BRI3BP: variants seen among roughly 807,000 people sequenced by gnomAD.
BRI3BP encodes the protein BRI3 binding protein.
Under a neutral mutation model 15.8 loss-of-function variants are expected in BRI3BP, and 7 were observed. That is an observed-to-expected ratio of 0.44 (90% CI 0.25 to 0.83). The LOEUF (loss-of-function observed/expected upper bound fraction) is 0.83. Ranked by LOEUF, BRI3BP falls within the 40% of genes least tolerant of loss-of-function variation. The pLI is 0.20. For synonymous variants in BRI3BP, 192 were observed against 163.5 expected, an observed-to-expected ratio of 1.17 and a Z score of -1.33; for missense variants, 320 against 339.3, an observed-to-expected ratio of 0.94 and a Z score of 0.45.
In BRI3BP at chr12:125,027,878, G is replaced by A. The variant is rs1021985928; in HGVS notation, c.*2448G>A. On this transcript the variant is annotated 3_prime_UTR_variant, in exon 3 of 3. Transcript: ENST00000341446. ...AATTTTTTATATTTTTAGTAGAGAC[G>A]GGGTTTCACCGTGTTAGCCAGGATG... 6.6e-6 allele frequency: 1 copy of A among 151,860 alleles called. No individual in the cohort carries two copies. Among genetic ancestry groups the A allele is most frequent in the African/African-American group, 2.4e-5 (1 of 41,366 alleles). 9.4% of individuals were successfully genotyped at this position (151,860 alleles called of 1,614,324 possible).
chr12:125,025,122 C>G lies in BRI3BP; in HGVS notation c.448C>G (p.Leu150Val), dbSNP rs1955339182. 2 of 1,614,122 alleles carry G rather than the reference C, an allele frequency of 1.2e-6. No individual in the cohort carries two copies. The highest frequency in any genetic ancestry group is 2.2e-5 in the South Asian group (2 of 91,092). Residue 150 changes from leucine to valine, a missense_variant, in exon 3 of 3, where the codon CTG becomes GTG. Transcript: ENST00000341446. ...SLTLGFTFSV[L>V]HVVFGRFFWI... is the part of the protein sequence containing the mutation. ...GACCCTGGGCTTCACTTTCAGCGTC[C>G]TGCACGTGGTGTTCGGCCGCTTCTT...
chr12:125,012,506 G>T, intron 1 of BRI3BP, 28 bp from the exon 2 acceptor site: 1 of 1,520,310 alleles, frequency 6.6e-7, no homozygotes, highest in South Asian at 1.1e-5. Context: ...ACAGTGATTG[G>T]GTGATGACCG....
chr12:125,021,818 A>G (rs1260605222), intron 2 of BRI3BP, among the ~76,000 whole-genome samples: 3 of 152,106 alleles, frequency 2.0e-5, no homozygotes, highest in Admixed American at 6.5e-5. Flanking sequence ...CCACGATCCA[A>G]TCACCTCCTA....
At chr12:124,995,364 G>A (rs1169258064) in intron 1 of BRI3BP, among the ~76,000 whole-genome samples, 1 of 152,222 alleles carries the variant, frequency 6.6e-6, no homozygotes, top group African/African-American at 2.4e-5. Context: ...TCCTCTTGAT[G>A]CCGTTTCGGA....
chr12:125,004,509 A>G (rs1955125941), intron 1 of BRI3BP, among the ~76,000 whole-genome samples: 1 of 152,188 alleles, frequency 6.6e-6, no homozygotes, highest in Non-Finnish European at 1.5e-5. Context: ...TATTCTTTTT[A>G]TAAGTAGAGT....
At chr12:125,021,679 C>T (rs1344714140) in intron 2 of BRI3BP, among the ~76,000 whole-genome samples, 1 of 152,138 alleles carries the variant, frequency 6.6e-6, no homozygotes, top group East Asian at 1.9e-4. Context: ...AAAGGGGAAG[C>T]AAGGCACGTC....
rs1044978931 is a variant in BRI3BP, at chr12:125,026,916, C to T, written c.*1486C>T. The T allele has an allele frequency of 3.3e-5, 5 of 151,290 alleles. No homozygotes were observed. The highest frequency in any genetic ancestry group is 7.3e-5 in the Non-Finnish European group (5 of 68,044). 9.4% of individuals were successfully genotyped at this position (151,290 alleles called of 1,614,324 possible). A position where few individuals can be genotyped will look rare whatever the true frequency, so the allele number is the denominator to read the frequency against. On this transcript the variant is annotated 3_prime_UTR_variant, in exon 3 of 3. Coordinates refer to ENST00000341446, the MANE Select transcript of BRI3BP (RefSeq NM_080626.6). ...GCGGTGAGCCGAGATCACGCCACTGCACTCCAGCCTAGGCAACAGAGCAAG... is the reference window on the plus strand; with the variant it reads ...GCGGTGAGCCGAGATCACGCCACTGTACTCCAGCCTAGGCAACAGAGCAAG...
rs1229802280 is a variant in BRI3BP at position 124,997,214 on chromosome 12, C to CTTTTTTT, written c.213+3224_213+3230dup. On this transcript the variant is annotated intron_variant, in intron 1 of 2. Coordinates refer to ENST00000341446, the MANE Select transcript of BRI3BP (RefSeq NM_080626.6). ...TCTCTTTTTTTTTTGCTTTACTTCTCTTTTTTTTTTTTTTTTTTTGAGATG... is the reference window on the plus strand; with the variant it reads ...TCTCTTTTTTTTTTGCTTTACTTCTCTTTTTTTTTTTTTTTTTTTTTTTTTTGAGATG... Among the ~76,000 whole-genome samples, 64 of 51,540 alleles carry CTTTTTTT rather than the reference C, an allele frequency of 1.2e-3. 12 individuals are homozygous for CTTTTTTT. The highest frequency in any genetic ancestry group is 3.4e-3 in the African/African-American group (34 of 9,902). The allele number at this position is 51,540 out of a possible 152,430, so 33.8% of individuals were successfully genotyped here. A position where few individuals can be genotyped will look rare whatever the true frequency, so the allele number is the denominator to read the frequency against.
At position 125,030,136 on chromosome 12, in the gene BRI3BP, A is replaced by T. The variant is rs1955395670; in HGVS notation, c.*4706A>T. ...CTTTCTGTGATCACTGCTACTTCTT[A>T]AGATGCTTTTGATGAATGTCATCTG... On this transcript the variant is annotated 3_prime_UTR_variant, in exon 3 of 3. Coordinates refer to ENST00000341446, the MANE Select transcript of BRI3BP (RefSeq NM_080626.6). 1 of 152,228 alleles carries T rather than the reference A, an allele frequency of 6.6e-6. No homozygotes were observed. The highest frequency in any genetic ancestry group is 1.5e-5 in the Non-Finnish European group (1 of 68,038). 9.4% of individuals were successfully genotyped at this position (152,228 alleles called of 1,614,324 possible). A position where few individuals can be genotyped will look rare whatever the true frequency, so the allele number is the denominator to read the frequency against.
intron 1 of BRI3BP, among the ~76,000 whole-genome samples, chr12:125,009,629 G>T (rs796274740): frequency 2.3e-5 from 3 of 132,954 alleles, no homozygotes; most frequent in Non-Finnish European, 3.2e-5. Context: ...TGGGGGGGGG[G>T]TCTCATTTTG....
the BRI3BP span, among the ~76,000 whole-genome samples, chr12:125,036,334 A>T: frequency 3.3e-5 from 5 of 151,456 alleles, no homozygotes; most frequent in African/African-American, 1.2e-4. Context: ...AAATGCTGGG[A>T]TTACAGGCAT....
intron 2 of BRI3BP, among the ~76,000 whole-genome samples, chr12:125,016,854 A>G (rs1955250054): frequency 9.3e-5 from 3 of 32,408 alleles, no homozygotes; most frequent in African/African-American, 1.3e-4. Context: ...TTTTTTTTTG[A>G]GACAGAGTCT....
chr12:125,015,413 C>T (rs930360841), intron 2 of BRI3BP, among the ~76,000 whole-genome samples: 2 of 152,084 alleles, frequency 1.3e-5, no homozygotes, highest in South Asian at 2.1e-4. Context: ...CTGGAAGAGG[C>T]GAGGAAGGAT....
At chr12:124,998,111 T>G (rs1955055560) in intron 1 of BRI3BP, among the ~76,000 whole-genome samples, 6 of 114,136 alleles carry the variant, frequency 5.3e-5, no homozygotes, top group East Asian at 5.3e-4. Flanking sequence ...GGGCAACGAG[T>G]GAAACTCCGT....
At chr12:124,998,196 G>T (rs771987054) in intron 1 of BRI3BP, among the ~76,000 whole-genome samples, 57 of 152,158 alleles carry the variant, frequency 3.7e-4, no homozygotes, top group Non-Finnish European at 1.8e-4. Context: ...GGAGGCTGAG[G>T]CAGGAGAATA....
chr12:124,994,546 G>A (rs36027510), intron 1 of BRI3BP, among the ~76,000 whole-genome samples: 10,586 of 152,156 alleles, frequency 0.07, 589 homozygotes, highest in East Asian at 0.17. Context: ...GTGGCTTTGG[G>A]AAACCGAGCA....
At chr12:125,041,575 T>C in the BRI3BP span, among the ~76,000 whole-genome samples, 1 of 152,078 alleles carries the variant, frequency 6.6e-6, no homozygotes, top group African/African-American at 2.4e-5. Flanking sequence ...TACATTAGGG[T>C]GTTGAATGAA....
At chr12:125,036,662 G>A in the BRI3BP span, among the ~76,000 whole-genome samples, 1 of 152,124 alleles carries the variant, frequency 6.6e-6, no homozygotes. Context: ...AGCTGGTCAC[G>A]GTGCTACAGA....
At chr12:125,010,471 G>C (rs890445178) in intron 1 of BRI3BP, among the ~76,000 whole-genome samples, 4 of 151,988 alleles carry the variant, frequency 2.6e-5, no homozygotes, top group Admixed American at 2.6e-4. Context: ...ATCCAGTCAG[G>C]ATATCCAGTT....
Sources: gnomAD v4.1 joint callset for allele counts (sites outside exome capture counted in the v4.1 genomes callset) on GRCh38, gnomAD v4.1.1 for gene constraint, MANE v1.5 for transcripts, NCBI Gene and HGNC (gene_info 2026-07-23, HGNC 2026-07-21) for gene names.